The following FBXL7 variants were observed in gnomAD, a reference collection of about 807,000 sequenced individuals.
FBXL7 encodes the protein F-box and leucine rich repeat protein 7, also known as F-box/LRR-repeat protein 7.
FBXL7 carries 12 observed loss-of-function variants against 38.3 expected under a neutral mutation model. The observed-to-expected ratio is 0.31, with a 90% confidence interval of 0.20 to 0.51. FBXL7 has a LOEUF of 0.51. FBXL7 is among the 20% of genes least tolerant of loss of function. The pLI is 0.98. For synonymous variants in FBXL7, 297 were observed against 300.9 expected, an observed-to-expected ratio of 0.99 and a Z score of 0.13; for missense variants, 567 against 676.4, an observed-to-expected ratio of 0.84 and a Z score of 1.79.
At chr5:15,569,972 T>C (rs913967918) in intron 1 of FBXL7, among the ~76,000 whole-genome samples, 36 of 152,306 alleles carry the variant, frequency 2.4e-4, no homozygotes, top group African/African-American at 7.9e-4. Context: ...TTTTTTGATG[T>C]GCTGCTGGAT....
chr5:15,705,890 T>G (rs1359062900), intron 2 of FBXL7, among the ~76,000 whole-genome samples: 1 of 152,104 alleles, frequency 6.6e-6, no homozygotes, highest in Non-Finnish European at 1.5e-5. Context: ...AAATGTTTAT[T>G]TTTGAAGGGA....
chr5:15,822,878 T>A (rs1329661858), intron 2 of FBXL7, among the ~76,000 whole-genome samples: 1 of 152,104 alleles, frequency 6.6e-6, no homozygotes, highest in Non-Finnish European at 1.5e-5. Context: ...GATCTCTGGG[T>A]CTCACCACCA....
chr5:15,503,474 C>T (rs1450291206), intron 1 of FBXL7, among the ~76,000 whole-genome samples: 1 of 152,216 alleles, frequency 6.6e-6, no homozygotes, highest in African/African-American at 2.4e-5. Context: ...CTTGGCCAAT[C>T]CCAGCAGCCA....
In FBXL7 at chr5:15,936,404, C is replaced by G; in HGVS notation, c.740-46C>G. ...CCAGGGCATCCCCAGGCGTGGCTCC[C>G]CTGCTGGCAGGTTGCTCTGAGCCTG... On this transcript the variant is annotated intron_variant, in intron 3 of 3. Coordinates refer to ENST00000504595, the MANE Select transcript of FBXL7 (RefSeq NM_012304.5). This position sits in a 1 kb window ranked among gnomAD's most constrained non-coding sequence, Gnocchi z 6.0. 4.4e-6 allele frequency: 7 copies of G among 1,580,564 alleles called. No individual in the cohort carries two copies. Among genetic ancestry groups the G allele is most frequent in the Non-Finnish European group, 6.0e-6 (7 of 1,163,200 alleles).
chr5:15,629,402 T>G (rs776835623), intron 2 of FBXL7, among the ~76,000 whole-genome samples: 1 of 152,192 alleles, frequency 6.6e-6, no homozygotes, highest in Non-Finnish European at 1.5e-5. Flanking sequence ...CAGTACACAT[T>G]GATTTTATCA....
intron 2 of FBXL7, among the ~76,000 whole-genome samples, chr5:15,703,718 G>A (rs1743598484): frequency 6.6e-6 from 1 of 152,150 alleles, no homozygotes; most frequent in African/African-American, 2.4e-5. Context: ...ATAAGTAAGT[G>A]CTAATTTTGA....
intron 2 of FBXL7, among the ~76,000 whole-genome samples, chr5:15,626,548 G>C (rs962871745): frequency 2.0e-5 from 3 of 148,644 alleles, no homozygotes; most frequent in Admixed American, 1.3e-4. Context: ...CGTTTCCTGT[G>C]TGTGTGTGTG....
intron 2 of FBXL7, among the ~76,000 whole-genome samples, chr5:15,684,644 G>C (rs1742954556): frequency 1.3e-5 from 2 of 152,148 alleles, no homozygotes; most frequent in Admixed American, 6.5e-5. Context: ...CCTTATAAGA[G>C]CAAAGGAGAA....
intron 1 of FBXL7, among the ~76,000 whole-genome samples, chr5:15,513,992 A>C (rs779332469): frequency 6.6e-6 from 1 of 151,894 alleles, no homozygotes; most frequent in African/African-American, 2.4e-5. Flanking sequence ...TTCCTTGGGG[A>C]GTCTTTCTGC....
At chr5:15,506,416 A>G (rs1736652292) in intron 1 of FBXL7, among the ~76,000 whole-genome samples, 1 of 152,146 alleles carries the variant, frequency 6.6e-6, no homozygotes, top group African/African-American at 2.4e-5. Context: ...GGAATTGTCT[A>G]TTTCTGGAAA....
chr5:15,650,087 A>G (rs1741657116), intron 2 of FBXL7, among the ~76,000 whole-genome samples: 2 of 152,226 alleles, frequency 1.3e-5, no homozygotes, highest in East Asian at 1.9e-4. Flanking sequence ...TCACATTTCT[A>G]TCATGCTTTC....
intron 1 of FBXL7, among the ~76,000 whole-genome samples, chr5:15,610,017 C>T (rs1740174192): frequency 6.6e-6 from 1 of 152,190 alleles, no homozygotes; most frequent in Non-Finnish European, 1.5e-5. Context: ...TACATGGCAG[C>T]AGGCAAGAGA....
At chr5:15,736,915 C>T (rs920815708) in intron 2 of FBXL7, among the ~76,000 whole-genome samples, 26 of 152,264 alleles carry the variant, frequency 1.7e-4, no homozygotes, top group Admixed American at 4.6e-4. Flanking sequence ...TAATATCTGA[C>T]GCTTCTATAA....
At chr5:15,702,328 T>C (rs1743552285) in intron 2 of FBXL7, among the ~76,000 whole-genome samples, 1 of 151,900 alleles carries the variant, frequency 6.6e-6, no homozygotes, top group South Asian at 2.1e-4. Context: ...GCTTGAAAAG[T>C]AAAGTGAGAC....
At chr5:15,718,761 C>T (rs1744114160) in intron 2 of FBXL7, among the ~76,000 whole-genome samples, 2 of 152,148 alleles carry the variant, frequency 1.3e-5, no homozygotes, top group African/African-American at 4.8e-5. Context: ...TTTCTTTAAA[C>T]ATTAAAATCT....
rs148374638 is a variant in FBXL7, at chr5:15,680,995, A to G, written c.127+64923A>G. Among the ~76,000 whole-genome samples, 294 of 152,344 alleles carry G rather than the reference A, an allele frequency of 1.9e-3. 4 individuals are homozygous for G. In the East Asian group the frequency reaches 0.048, roughly 25 times the overall value. ...ATGATGACTATCTTTTTAGTATACC[A>G]GCAAGAATCAGTATGGAAAATATAA... On this transcript the variant is annotated intron_variant, in intron 2 of 3. Coordinates refer to ENST00000504595, the MANE Select transcript of FBXL7 (RefSeq NM_012304.5).
intron 1 of FBXL7, among the ~76,000 whole-genome samples, chr5:15,600,223 G>C (rs1739750509): frequency 6.6e-6 from 1 of 152,248 alleles, no homozygotes; most frequent in Non-Finnish European, 1.5e-5. Flanking sequence ...TCTGTGGTCA[G>C]TGGTCTCTTA....
At chr5:15,521,904 G>A (rs1016461731) in intron 1 of FBXL7, among the ~76,000 whole-genome samples, 2 of 152,202 alleles carry the variant, frequency 1.3e-5, no homozygotes, top group Non-Finnish European at 2.9e-5. Flanking sequence ...TCTTCGTACT[G>A]AGCAAAGATG....
Position 15,761,484 on chromosome 5 carries a change from C to T in FBXL7, c.127+145412C>T, listed in dbSNP as rs192225203. Among the ~76,000 whole-genome samples, 20 of 152,236 alleles carry T rather than the reference C, an allele frequency of 1.3e-4. No homozygotes were observed. The East Asian group carries it at 3.3e-3, about 25-fold the overall frequency. ...AATCTCTTCACTTCCAGAACTACACCTTTATTTATTTGCCTTTTTTCCTAA... is the reference window on the plus strand; with the variant it reads ...AATCTCTTCACTTCCAGAACTACACTTTTATTTATTTGCCTTTTTTCCTAA... On this transcript the variant is annotated intron_variant, in intron 2 of 3. Transcript: ENST00000504595.
Sources: gnomAD v4.1 joint callset for allele counts (sites outside exome capture counted in the v4.1 genomes callset) on GRCh38, gnomAD v4.1.1 for gene constraint, Gnocchi (gnomAD v3.1) non-coding constraint, MANE v1.5 for transcripts, NCBI Gene and HGNC (gene_info 2026-07-23, HGNC 2026-07-21) for gene names.